The following KHDRBS3 variants were observed in gnomAD, a reference collection of about 807,000 sequenced individuals.
KHDRBS3 encodes the protein KH RNA binding domain containing, signal transduction associated 3, also known as KH domain-containing, RNA-binding, signal transduction-associated protein 3.
In KHDRBS3, 23 loss-of-function variants were observed where a neutral mutation model predicts 45.6. The ratio of observed to expected loss-of-function variants is 0.50; its 90% CI spans 0.36 to 0.72. KHDRBS3 has a LOEUF of 0.72. Among genes scored for constraint, KHDRBS3 ranks in the 30% least tolerant of loss-of-function variants. The probability of loss-of-function intolerance (pLI) is 0.00; values close to 1 mark genes in which losing one functional copy is unlikely to be tolerated. For synonymous variants in KHDRBS3, 162 were observed against 156.5 expected, an observed-to-expected ratio of 1.04 and a Z score of -0.26; for missense variants, 352 against 424.8, an observed-to-expected ratio of 0.83 and a Z score of 1.51.
chr8:135,533,302 A>G (rs1049750491), intron 2 of KHDRBS3, among the ~76,000 whole-genome samples: 1 of 152,192 alleles, frequency 6.6e-6, no homozygotes, highest in African/African-American at 2.4e-5. Context: ...TTTTGTGCCT[A>G]GTACAACTCA....
chr8:135,631,166 G>C (rs1444909189), intron 7 of KHDRBS3, among the ~76,000 whole-genome samples: 1 of 145,918 alleles, frequency 6.9e-6, no homozygotes, highest in Non-Finnish European at 1.5e-5. Flanking sequence ...CAGGGGAATT[G>C]CTTGAACCGG....
chr8:135,553,208 G>A (rs1331186442), intron 4 of KHDRBS3, among the ~76,000 whole-genome samples: 1 of 152,112 alleles, frequency 6.6e-6, no homozygotes, highest in East Asian at 1.9e-4. Context: ...AAGCAGGCCA[G>A]ACTCTCATAT....
chr8:135,577,943 G>A (rs1828023450), intron 5 of KHDRBS3, among the ~76,000 whole-genome samples: 1 of 152,158 alleles, frequency 6.6e-6, no homozygotes, highest in Admixed American at 6.5e-5. Flanking sequence ...TACGTGAGAA[G>A]TGGTATCTCA....
chr8:135,610,042 A>G (rs972584204), intron 7 of KHDRBS3, among the ~76,000 whole-genome samples: 5 of 151,906 alleles, frequency 3.3e-5, no homozygotes, highest in African/African-American at 1.2e-4. Flanking sequence ...AACTTTTTTT[A>G]TGAAGTATAT....
chr8:135,649,456 T>A (rs954562597), downstream of KHDRBS3, among the ~76,000 whole-genome samples: 3 of 152,240 alleles, frequency 2.0e-5, no homozygotes, highest in Admixed American at 1.3e-4. Flanking sequence ...ATTTAATATA[T>A]ATGAAAAATA....
chr8:135,467,728 C>T (rs113018326), intron 1 of KHDRBS3, among the ~76,000 whole-genome samples: 20 of 152,358 alleles, frequency 1.3e-4, no homozygotes, highest in Middle Eastern at 3.4e-3. Flanking sequence ...TGTGTCGTTA[C>T]TGGTGAAAAG....
intron 7 of KHDRBS3, among the ~76,000 whole-genome samples, chr8:135,617,466 CAG>C (rs1554640301): frequency 6.6e-6 from 1 of 151,802 alleles, no homozygotes; most frequent in Non-Finnish European, 1.5e-5. Context: ...ATAGTAGAGA[CAG>C]GGTTTTGTCA....
At chr8:135,614,939 C>T (rs192018521) in intron 7 of KHDRBS3, among the ~76,000 whole-genome samples, 4 of 151,774 alleles carry the variant, frequency 2.6e-5, no homozygotes, top group Non-Finnish European at 4.4e-5. Context: ...GCCAAGAAGT[C>T]GGGCTAGGGT....
At chr8:135,649,189 G>A (rs1445006739), downstream of KHDRBS3, among the ~76,000 whole-genome samples, 1 of 152,024 alleles carries the variant, frequency 6.6e-6, no homozygotes, top group Non-Finnish European at 1.5e-5. Context: ...ACATTTTCTT[G>A]ATTTTTTTTC....
intron 1 of KHDRBS3, among the ~76,000 whole-genome samples, chr8:135,483,629 T>A (rs892145763): frequency 2.0e-5 from 3 of 152,230 alleles, no homozygotes; most frequent in African/African-American, 7.2e-5. Flanking sequence ...GAGGGTATCA[T>A]ATCCTTATGA....
chr8:135,532,530 A>G (rs768927079), intron 2 of KHDRBS3, among the ~76,000 whole-genome samples: 4 of 152,150 alleles, frequency 2.6e-5, no homozygotes, highest in Admixed American at 6.5e-5. Flanking sequence ...TAGAACTTCT[A>G]TTTATGTGTA....
At chr8:135,496,912 C>T (rs1404988750) in intron 1 of KHDRBS3, among the ~76,000 whole-genome samples, 1 of 152,208 alleles carries the variant, frequency 6.6e-6, no homozygotes, top group African/African-American at 2.4e-5. Context: ...CTTCTTAGAA[C>T]ACAGTTCACA....
At chr8:135,522,407 C>T (rs1252963735) in intron 2 of KHDRBS3, among the ~76,000 whole-genome samples, 1 of 152,124 alleles carries the variant, frequency 6.6e-6, no homozygotes, top group African/African-American at 2.4e-5. Context: ...GTTTCATAAC[C>T]AGATATGTTT....
At chr8:135,557,984 T>C in intron 5 of KHDRBS3, among the ~76,000 whole-genome samples, 1 of 152,338 alleles carries the variant, frequency 6.6e-6, no homozygotes, top group Non-Finnish European at 1.5e-5. Flanking sequence ...TTATTCACTG[T>C]AATATTACTT....
At chr8:135,522,787 G>A (rs1824985167) in intron 2 of KHDRBS3, among the ~76,000 whole-genome samples, 1 of 152,142 alleles carries the variant, frequency 6.6e-6, no homozygotes. Flanking sequence ...AAGTGTTATT[G>A]TAGCTTTTAC....
intron 5 of KHDRBS3, among the ~76,000 whole-genome samples, chr8:135,565,139 G>T (rs1827350579): frequency 1.3e-5 from 2 of 152,150 alleles, no homozygotes; most frequent in Admixed American, 1.3e-4. Context: ...TGGACTCATT[G>T]TTCGTGATTC....
chr8:135,570,261 G>A (rs889404209), intron 5 of KHDRBS3, among the ~76,000 whole-genome samples: 2 of 151,928 alleles, frequency 1.3e-5, no homozygotes, highest in African/African-American at 2.4e-5. Context: ...TTTTAGAGGC[G>A]TAAACACCAA....
At chr8:135,598,133 A>C (rs1165883069) in intron 6 of KHDRBS3, among the ~76,000 whole-genome samples, 2 of 152,228 alleles carry the variant, frequency 1.3e-5, no homozygotes, top group Non-Finnish European at 2.9e-5. Context: ...TGATTGCAGG[A>C]TGGAAATGTA....
chr8:135,620,853 G>T (rs1172310748), intron 7 of KHDRBS3, among the ~76,000 whole-genome samples: 1 of 152,118 alleles, frequency 6.6e-6, no homozygotes, highest in African/African-American at 2.4e-5. Context: ...AGCGGAACCT[G>T]CTGGACTTGA....
Sources: allele counts gnomAD v4.1 joint callset (sites outside exome capture counted in the v4.1 genomes callset), GRCh38; gene constraint gnomAD v4.1.1; transcripts MANE v1.5; gene names NCBI Gene and HGNC (gene_info 2026-07-23, HGNC 2026-07-21).